The following LRMDA variants were observed in gnomAD, a reference collection of about 807,000 sequenced individuals.
LRMDA encodes leucine rich melanocyte differentiation associated.
LRMDA carries 18 observed loss-of-function variants against 29.8 expected under a neutral mutation model. The observed-to-expected ratio is 0.60, with a 90% CI of 0.42 to 0.90. The LOEUF (loss-of-function observed/expected upper bound fraction) is 0.90. LRMDA is among the 40% of genes least tolerant of loss of function. LRMDA has a pLI of 0.00. For missense variants in LRMDA, 273 were observed against 273.9 expected, an observed-to-expected ratio of 1.00 and a Z score of 0.02; for synonymous variants, 125 against 109.4, an observed-to-expected ratio of 1.14 and a Z score of -0.89.
At chr10:76,029,909 GT>G (rs977884180) in intron 2 of LRMDA, among the ~76,000 whole-genome samples, 2 of 152,020 alleles carry the variant, frequency 1.3e-5, no homozygotes, top group Non-Finnish European at 2.9e-5. Flanking sequence ...TGTTGTTATT[GT>G]TTAGCAATGA....
intron 2 of LRMDA, among the ~76,000 whole-genome samples, chr10:75,644,619 TG>T (rs1841493548): frequency 1.3e-5 from 2 of 152,162 alleles, no homozygotes; most frequent in South Asian, 4.1e-4. Flanking sequence ...GGCTGGGTTG[TG>T]GGTCCAGGGA....
At chr10:75,720,139 A>T (rs924382492) in intron 2 of LRMDA, among the ~76,000 whole-genome samples, 3 of 152,228 alleles carry the variant, frequency 2.0e-5, no homozygotes, top group African/African-American at 7.2e-5. Context: ...AATATAGATT[A>T]TTGAGTCTAT....
chr10:75,691,509 A>G (rs1034506526), intron 2 of LRMDA, among the ~76,000 whole-genome samples: 2 of 152,010 alleles, frequency 1.3e-5, no homozygotes, highest in African/African-American at 4.8e-5. Flanking sequence ...CCTTGTTCCC[A>G]CTGCTCTGTG....
chr10:76,236,060 T>C (rs1852146672), intron 5 of LRMDA, among the ~76,000 whole-genome samples: 1 of 152,124 alleles, frequency 6.6e-6, no homozygotes. Context: ...TGATCCATTT[T>C]CTAAAACGAG....
chr10:76,385,300 T>C (rs1841646263), intron 6 of LRMDA, among the ~76,000 whole-genome samples: 1 of 152,212 alleles, frequency 6.6e-6, no homozygotes, highest in African/African-American at 2.4e-5. Flanking sequence ...TGTACTCTAT[T>C]TCTGTTGGTG....
chr10:76,303,245 T>C (rs914462522), intron 5 of LRMDA, among the ~76,000 whole-genome samples: 3 of 145,600 alleles, frequency 2.1e-5, no homozygotes, highest in Admixed American at 7.0e-5. Flanking sequence ...TGTAATTAAA[T>C]CGTGTTTTTG....
intron 6 of LRMDA, among the ~76,000 whole-genome samples, chr10:76,406,180 G>A (rs1031033289): frequency 6.6e-6 from 1 of 152,124 alleles, no homozygotes; most frequent in African/African-American, 2.4e-5. Flanking sequence ...TTCCGGAAAG[G>A]GTGGCTGTGC....
chr10:75,752,400 A>G lies in LRMDA; in HGVS notation c.132-283608A>G, dbSNP rs528480582. ...CTAATTTTTTGTATTTGTAGTAGAT[A>G]TGGGGTTTCACCATGTTAGCCAGGA... On this transcript the variant is annotated intron_variant, in intron 2 of 6. Transcript: ENST00000611255. Among the ~76,000 whole-genome samples, 27 of 152,166 alleles carry G rather than the reference A, an allele frequency of 1.8e-4. No individual in the cohort carries two copies. The South Asian group carries it at 4.4e-3, about 25-fold the overall frequency.
chr10:76,488,721 C>T (rs1340130964), intron 6 of LRMDA, among the ~76,000 whole-genome samples: 1 of 151,850 alleles, frequency 6.6e-6, no homozygotes, highest in Non-Finnish European at 1.5e-5. Flanking sequence ...TACATTTCTA[C>T]CAGCAGTGTC....
At chr10:75,550,697 C>T (rs1007409976) in intron 2 of LRMDA, among the ~76,000 whole-genome samples, 1 of 152,054 alleles carries the variant, frequency 6.6e-6, no homozygotes, top group Admixed American at 6.6e-5. Context: ...TACCATTTTG[C>T]AAATTGTTTT....
intron 5 of LRMDA, among the ~76,000 whole-genome samples, chr10:76,207,214 A>C (rs1851553216): frequency 6.6e-6 from 1 of 152,216 alleles, no homozygotes; most frequent in African/African-American, 2.4e-5. Flanking sequence ...CTTGCTCTGA[A>C]CAGTGAGCTG....
At chr10:76,310,234 C>G (rs998723738) in intron 5 of LRMDA, among the ~76,000 whole-genome samples, 3 of 152,080 alleles carry the variant, frequency 2.0e-5, no homozygotes, top group African/African-American at 7.2e-5. Flanking sequence ...AAATAATGTC[C>G]GCACATTAAG....
intron 6 of LRMDA, among the ~76,000 whole-genome samples, 189 bp from the exon 7 acceptor site, chr10:76,557,020 A>T (rs1843566456): frequency 6.6e-6 from 1 of 152,242 alleles, no homozygotes; most frequent in Non-Finnish European, 1.5e-5. Context: ...TTTCAATGTC[A>T]ACTCTGAGGT....
chr10:76,086,133 C>T (rs1010899154), intron 5 of LRMDA, among the ~76,000 whole-genome samples: 27 of 152,214 alleles, frequency 1.8e-4, no homozygotes, highest in Admixed American at 3.9e-4. Flanking sequence ...CGCCTTACCC[C>T]ATTCTCAGGA....
chr10:75,435,382 C>CT (rs1010725105), intron 1 of LRMDA, among the ~76,000 whole-genome samples: 7 of 152,180 alleles, frequency 4.6e-5, no homozygotes, highest in Admixed American at 4.6e-4. Context: ...CTTCTTAAGT[C>CT]TTTTTTCTAG....
At chr10:76,543,349 TG>T in intron 6 of LRMDA, among the ~76,000 whole-genome samples, 1 of 111,528 alleles carries the variant, frequency 9.0e-6, no homozygotes, top group Non-Finnish European at 2.0e-5. Flanking sequence ...TGTGTGTGTG[TG>T]TGTGTGTGTG....
intron 2 of LRMDA, among the ~76,000 whole-genome samples, chr10:75,567,375 T>C (rs1261142938): frequency 3.3e-5 from 5 of 152,228 alleles, no homozygotes; most frequent in Non-Finnish European, 5.9e-5. Flanking sequence ...TACTAACTAA[T>C]GATTACTTTT....
chr10:76,336,558 T>C (rs931548333), intron 6 of LRMDA, among the ~76,000 whole-genome samples: 3 of 152,134 alleles, frequency 2.0e-5, no homozygotes, highest in Non-Finnish European at 4.4e-5. Flanking sequence ...CAAATGTTTC[T>C]CAACTAAATG....
At chr10:75,922,872 C>G (rs991626397) in intron 2 of LRMDA, among the ~76,000 whole-genome samples, 10 of 152,148 alleles carry the variant, frequency 6.6e-5, no homozygotes, top group Non-Finnish European at 1.5e-5. Flanking sequence ...ATTTCCTATA[C>G]TTTGTTCTTC....
Sources: gnomAD v4.1 joint callset for allele counts (sites outside exome capture counted in the v4.1 genomes callset) on GRCh38, gnomAD v4.1.1 for gene constraint, MANE v1.5 for transcripts, NCBI Gene and HGNC (gene_info 2026-07-23, HGNC 2026-07-21) for gene names.